ITGBL1: variants seen among roughly 807,000 people sequenced by gnomAD.
ITGBL1 encodes the protein integrin beta-like protein 1.
ITGBL1 carries 51 observed loss-of-function variants against 68.5 expected under a neutral mutation model. The ratio of observed to expected loss-of-function variants is 0.74; its 90% CI spans 0.59 to 0.94. The LOEUF is 0.94. Ranked by LOEUF, ITGBL1 falls within the 40% of genes least tolerant of loss-of-function variation. The pLI is 0.00. For missense variants in ITGBL1, 649 were observed against 647.4 expected (o/e 1.00, Z -0.03); for synonymous variants, 209 against 227.3 (o/e 0.92, Z 0.72).
chr13:101,548,590 C>T (rs1404059768), intron 2 of ITGBL1, among the ~76,000 whole-genome samples: 2 of 151,684 alleles, frequency 1.3e-5, no homozygotes, highest in Non-Finnish European at 3.0e-5. Flanking sequence ...AAACATATAT[C>T]CATGTCTGTT....
chr13:101,544,708 CA>C (rs899070854), intron 2 of ITGBL1, among the ~76,000 whole-genome samples: 8 of 152,166 alleles, frequency 5.3e-5, no homozygotes, highest in Admixed American at 3.3e-4. Flanking sequence ...CCACCCAGTT[CA>C]AGCTTCCTGG....
Position 101,567,683 on chromosome 13 carries a change from G to C in ITGBL1, c.317-16G>C, listed in dbSNP as rs1369280974. On this transcript the variant is annotated splice_polypyrimidine_tract_variant and intron_variant, in intron 2 of 10. Transcript: ENST00000376180. ...GAAAACAATTTGAGTCTGACTAGAT[G>C]TTGTTCAATCCCCAGGCCATGGTAA... is the stretch of plus-strand genomic sequence containing the variant. 6.2e-7 allele frequency: 1 copy of C among 1,610,972 alleles called. No individual in the cohort carries two copies. The highest frequency in any genetic ancestry group is 8.5e-7 in the Non-Finnish European group (1 of 1,178,458).
At chr13:101,702,952 A>G (rs1214124738) in intron 8 of ITGBL1, among the ~76,000 whole-genome samples, 2 of 152,190 alleles carry the variant, frequency 1.3e-5, no homozygotes, top group African/African-American at 2.4e-5. Context: ...TCTACTCTAC[A>G]GTTTGATTTG....
At chr13:101,494,812 A>G (rs1471838256) in intron 2 of ITGBL1, among the ~76,000 whole-genome samples, 1 of 152,240 alleles carries the variant, frequency 6.6e-6, no homozygotes, top group Non-Finnish European at 1.5e-5. Flanking sequence ...GTATACATGC[A>G]TAAGACAAAA....
intron 2 of ITGBL1, among the ~76,000 whole-genome samples, chr13:101,554,282 G>T (rs982137760): frequency 1.3e-5 from 2 of 152,148 alleles, no homozygotes; most frequent in African/African-American, 4.8e-5. Flanking sequence ...ATGACAGAAT[G>T]TTATTAAATT....
intron 2 of ITGBL1, among the ~76,000 whole-genome samples, chr13:101,561,126 G>A (rs1011646890): frequency 5.3e-5 from 8 of 152,162 alleles, no homozygotes; most frequent in Non-Finnish European, 8.8e-5. Flanking sequence ...TGCTGAGAAG[G>A]GTGGTGGGAA....
intron 3 of ITGBL1, among the ~76,000 whole-genome samples, chr13:101,573,470 T>C (rs148863785): frequency 6.6e-6 from 1 of 152,268 alleles, no homozygotes; most frequent in African/African-American, 2.4e-5. Flanking sequence ...ATTGTCAGCA[T>C]CCATAAATAT....
intron 4 of ITGBL1, among the ~76,000 whole-genome samples, chr13:101,578,931 T>A (rs1488020546): frequency 6.6e-6 from 1 of 152,238 alleles, no homozygotes; most frequent in Non-Finnish European, 1.5e-5. Flanking sequence ...TAATAACTAA[T>A]TCAAGAAACG....
At chr13:101,671,690 T>G (rs1284621622) in intron 7 of ITGBL1, among the ~76,000 whole-genome samples, 3 of 151,894 alleles carry the variant, frequency 2.0e-5, no homozygotes, top group South Asian at 4.2e-4. Context: ...CGCCCACCTC[T>G]GCCTCCCAAA....
intron 7 of ITGBL1, among the ~76,000 whole-genome samples, chr13:101,605,347 T>C (rs2030714667): frequency 6.6e-6 from 1 of 150,558 alleles, no homozygotes; most frequent in South Asian, 2.1e-4. Flanking sequence ...TACACATATC[T>C]AGACATGTAT....
chr13:101,683,528 A>G (rs1156659668), intron 7 of ITGBL1, among the ~76,000 whole-genome samples: 2 of 152,018 alleles, frequency 1.3e-5, no homozygotes, highest in East Asian at 1.9e-4. Flanking sequence ...TAATGTTGCT[A>G]TGATTATTCT....
intron 7 of ITGBL1, among the ~76,000 whole-genome samples, chr13:101,604,887 T>TATACATACACACACACACAC: frequency 4.5e-5 from 1 of 22,164 alleles, no homozygotes; most frequent in Non-Finnish European, 8.2e-5. Flanking sequence ...TATATATATA[T>TATACATACACACACACACAC]ACACACACAC....
chr13:101,701,751 A>G (rs1188902543), intron 8 of ITGBL1, among the ~76,000 whole-genome samples: 2 of 152,098 alleles, frequency 1.3e-5, no homozygotes, highest in African/African-American at 2.4e-5. Flanking sequence ...GAAAAGAAAA[A>G]CACTGTATGA....
At chr13:101,507,018 A>C (rs573961028) in intron 2 of ITGBL1, among the ~76,000 whole-genome samples, 2 of 152,198 alleles carry the variant, frequency 1.3e-5, no homozygotes, top group Non-Finnish European at 2.9e-5. Flanking sequence ...AGGAAGAAGA[A>C]ATAAGAAAAA....
At chr13:101,711,201 A>G (rs1007419672) in intron 9 of ITGBL1, 1 of 152,240 alleles carries the variant, frequency 6.6e-6, no homozygotes, top group African/African-American at 2.4e-5. Context: ...ACACAATTAT[A>G]TCTTTGCCTT....
intron 3 of ITGBL1, among the ~76,000 whole-genome samples, chr13:101,569,487 C>A (rs2050239059): frequency 2.0e-5 from 3 of 152,036 alleles, no homozygotes; most frequent in Admixed American, 2.0e-4. Flanking sequence ...GATGCAATAC[C>A]TTTGTTCATA....
chr13:101,662,934 T>C (rs2033124945), intron 7 of ITGBL1, among the ~76,000 whole-genome samples: 1 of 152,174 alleles, frequency 6.6e-6, no homozygotes, highest in Admixed American at 6.5e-5. Context: ...AATTTACAAA[T>C]CTAATTTTCA....
At chr13:101,637,375 A>G (rs574092374) in intron 7 of ITGBL1, among the ~76,000 whole-genome samples, 9 of 136,804 alleles carry the variant, frequency 6.6e-5, no homozygotes, top group South Asian at 2.3e-4. Flanking sequence ...ACAGAGTCTC[A>G]CTCTGTCACC....
At chr13:101,592,967 G>T (rs761228197) in intron 6 of ITGBL1, among the ~76,000 whole-genome samples, 1 of 151,970 alleles carries the variant, frequency 6.6e-6, no homozygotes, top group Non-Finnish European at 1.5e-5. Context: ...GCAACTAAAA[G>T]AATGACAAAT....
Sources: gnomAD v4.1 joint callset for allele counts (sites outside exome capture counted in the v4.1 genomes callset) on GRCh38, gnomAD v4.1.1 for gene constraint, MANE v1.5 for transcripts, NCBI Gene and HGNC (gene_info 2026-07-23, HGNC 2026-07-21) for gene names.